The following ADARB1 variants were observed in gnomAD, a reference collection of about 807,000 sequenced individuals.
The protein encoded by ADARB1 is double-stranded RNA-specific editase 1.
Under a neutral mutation model 52.4 loss-of-function variants are expected in ADARB1, and 10 were observed. That is an observed-to-expected ratio of 0.19 (90% confidence interval 0.12 to 0.32). The LOEUF (loss-of-function observed/expected upper bound fraction) is 0.32. Among genes scored for constraint, ADARB1 ranks in the 10% least tolerant of loss-of-function variants. The pLI is 1.00. For missense variants in ADARB1, 643 were observed against 922.3 expected (o/e 0.70, Z 3.92); for synonymous variants, 349 against 371.1 (o/e 0.94, Z 0.68).
chr21:45,193,180 A>G (rs187686520), intron 8 of ADARB1, among the ~76,000 whole-genome samples: 22 of 152,368 alleles, frequency 1.4e-4, no homozygotes, highest in Admixed American at 6.5e-5. Context: ...CATAGATCCA[A>G]AAGTTCTAGC....
intron 1 of ADARB1, among the ~76,000 whole-genome samples, chr21:45,082,425 T>A (rs2086189066): frequency 6.6e-6 from 1 of 152,250 alleles, no homozygotes; most frequent in Non-Finnish European, 1.5e-5. Flanking sequence ...AGCGTCTGTC[T>A]GTACCTTCCC....
intron 9 of ADARB1, among the ~76,000 whole-genome samples, chr21:45,213,237 C>A (rs912913515): frequency 9.2e-5 from 14 of 152,160 alleles, no homozygotes; most frequent in African/African-American, 3.4e-4. Flanking sequence ...TGCTTAAGAA[C>A]TACAAAATAT....
chr21:45,116,188 C>T (rs146966565), intron 1 of ADARB1, among the ~76,000 whole-genome samples: 2,885 of 152,300 alleles, frequency 0.019, 46 homozygotes, highest in East Asian at 0.047. Flanking sequence ...GCTGCTTGAG[C>T]TCATTTTTGT....
rs2088717867 is a variant in ADARB1, at chr21:45,128,256, A to G, written c.-219-146A>G. On this transcript the variant is annotated intron_variant, in intron 1 of 10. Transcript: ENST00000348831. The surrounding 1 kb of genome is among the most constrained non-coding windows in gnomAD (Gnocchi z 4.6). ...CATATCCCCTTTACAGATTCGGAAGAGTACATTTAAAATAACTTAAATTTG... is the reference window on the plus strand; with the variant it reads ...CATATCCCCTTTACAGATTCGGAAGGGTACATTTAAAATAACTTAAATTTG... 1.3e-5 allele frequency: 2 copies of G among 152,366 alleles called. No individual in the cohort carries two copies. The highest frequency in any genetic ancestry group is 4.1e-4 in the South Asian group (2 of 4,832). 9.4% of individuals were successfully genotyped at this position (152,366 alleles called of 1,614,324 possible).
At chr21:45,123,848 G>A (rs2088372757) in intron 1 of ADARB1, among the ~76,000 whole-genome samples, 1 of 152,144 alleles carries the variant, frequency 6.6e-6, no homozygotes, top group South Asian at 2.1e-4. Flanking sequence ...TGATCCTCCT[G>A]CCTTGGTCTC....
At chr21:45,093,605 C>T (rs1211158450) in intron 1 of ADARB1, among the ~76,000 whole-genome samples, 1 of 152,188 alleles carries the variant, frequency 6.6e-6, no homozygotes, top group Admixed American at 6.5e-5. Context: ...GTTCTGTCCT[C>T]TTCTCTCAGG....
intron 2 of ADARB1, among the ~76,000 whole-genome samples, chr21:45,148,739 C>T (rs953624802): frequency 1.3e-5 from 2 of 152,216 alleles, no homozygotes; most frequent in Non-Finnish European, 2.9e-5. Context: ...CGGCTTTGCT[C>T]TAACATCCGC....
At chr21:45,192,353 C>G (rs2092322612) in intron 8 of ADARB1, among the ~76,000 whole-genome samples, 1 of 152,176 alleles carries the variant, frequency 6.6e-6, no homozygotes, top group Admixed American at 6.5e-5. Context: ...CCCAATGCCT[C>G]TCATCTAAAA....
chr21:45,087,667 T>G (rs1474249501), intron 1 of ADARB1, among the ~76,000 whole-genome samples: 2 of 152,146 alleles, frequency 1.3e-5, no homozygotes, highest in Admixed American at 6.5e-5. Context: ...GGCCCAGCTC[T>G]TGAAACCACA....
intron 2 of ADARB1, chr21:45,152,714 T>A: frequency 2.3e-6 from 1 of 427,666 alleles, no homozygotes; most frequent in South Asian, 1.6e-5. Flanking sequence ...GAAAGGTAAT[T>A]CATTTAGTTT....
intron 1 of ADARB1, among the ~76,000 whole-genome samples, chr21:45,081,862 C>T (rs930265339): frequency 6.6e-6 from 1 of 152,178 alleles, no homozygotes; most frequent in Non-Finnish European, 1.5e-5. Flanking sequence ...AGGACCAGAA[C>T]CATTGTCCAG....
At chr21:45,090,432 G>A (rs563875281) in intron 1 of ADARB1, among the ~76,000 whole-genome samples, 22 of 152,132 alleles carry the variant, frequency 1.4e-4, no homozygotes, top group Non-Finnish European at 2.8e-4. Context: ...CTTTTGGTGG[G>A]AAGGAGGAGT....
At chr21:45,144,753 C>T (rs908886644) in intron 2 of ADARB1, 32 of 392,674 alleles carry the variant, frequency 8.1e-5, no homozygotes, top group African/African-American at 5.8e-4. Flanking sequence ...GTAAGAGAGC[C>T]AGTGCCCCAC....
At chr21:45,198,625 C>T (rs1306201381) in intron 8 of ADARB1, among the ~76,000 whole-genome samples, 1 of 152,024 alleles carries the variant, frequency 6.6e-6, no homozygotes, top group Admixed American at 6.6e-5. Flanking sequence ...TTCTAGACAT[C>T]GTTTGTGGGA....
At chr21:45,075,668 G>A (rs553150046) in intron 1 of ADARB1, among the ~76,000 whole-genome samples, 37 of 152,348 alleles carry the variant, frequency 2.4e-4, no homozygotes, top group African/African-American at 8.4e-4. Context: ...ATTGGGCTGT[G>A]GACGCTGAAA....
At chr21:45,127,861 A>G (rs2088688585) in intron 1 of ADARB1, among the ~76,000 whole-genome samples, 2 of 152,168 alleles carry the variant, frequency 1.3e-5, no homozygotes, top group African/African-American at 4.8e-5. Flanking sequence ...GCATGTTGAA[A>G]CATTTTCTCT....
At chr21:45,091,902 A>G (rs2086575226) in intron 1 of ADARB1, among the ~76,000 whole-genome samples, 2 of 152,166 alleles carry the variant, frequency 1.3e-5, no homozygotes, top group Non-Finnish European at 2.9e-5. Flanking sequence ...ACTGATTTGG[A>G]TTTCTGCTTT....
At chr21:45,102,207 ATTC>A (rs2087050659) in intron 1 of ADARB1, among the ~76,000 whole-genome samples, 1 of 152,178 alleles carries the variant, frequency 6.6e-6, no homozygotes, top group African/African-American at 2.4e-5. Flanking sequence ...GCTTATTTTA[ATTC>A]TAAATCAGAA....
intron 2 of ADARB1, among the ~76,000 whole-genome samples, chr21:45,139,935 T>C (rs370595030): frequency 0.048 from 1,297 of 26,912 alleles, 19 homozygotes; most frequent in East Asian, 0.27. Flanking sequence ...ATAAAACTCT[T>C]TTTTTTTTTT....
Sources: gnomAD v4.1 joint callset for allele counts (sites outside exome capture counted in the v4.1 genomes callset) on GRCh38, gnomAD v4.1.1 for gene constraint, Gnocchi (gnomAD v3.1) non-coding constraint, MANE v1.5 for transcripts, NCBI Gene and HGNC (gene_info 2026-07-23, HGNC 2026-07-21) for gene names.